The following ATPAF1 variants were observed in gnomAD, a reference collection of about 807,000 sequenced individuals.
ATPAF1 encodes the protein ATP synthase mitochondrial F1 complex assembly factor 1, also known as homolog of yeast ATP11.
ATPAF1 carries 26 observed loss-of-function variants against 43.9 expected under a neutral mutation model. That is an observed-to-expected ratio of 0.59 (90% confidence interval 0.43 to 0.82). The LOEUF is 0.82. Among genes scored for constraint, ATPAF1 ranks in the 40% least tolerant of loss-of-function variants. The probability of loss-of-function intolerance (pLI) is 0.00; values close to 1 mark genes in which losing one functional copy is unlikely to be tolerated. For missense variants in ATPAF1, 366 were observed against 435.0 expected, an observed-to-expected ratio of 0.84 and a Z score of 1.41; for synonymous variants, 157 against 168.0, an observed-to-expected ratio of 0.93 and a Z score of 0.50.
intron 3 of ATPAF1, 31 bp downstream of exon 3, chr1:46,658,656 C>CA: frequency 6.4e-7 from 1 of 1,555,970 alleles, no homozygotes; most frequent in Non-Finnish European, 8.7e-7. Flanking sequence ...TGACTTCAAG[C>CA]TTTTTTTCCT....
intron 6 of ATPAF1, among the ~76,000 whole-genome samples, chr1:46,649,816 C>T (rs980479293): frequency 1.3e-5 from 2 of 151,946 alleles, no homozygotes; most frequent in African/African-American, 4.8e-5. Flanking sequence ...ATCCCAGCTA[C>T]TTAGAAGGCT....
At chr1:46,665,033 GAGC>G in intron 2 of ATPAF1, 2 of 516,280 alleles carry the variant, frequency 3.9e-6, no homozygotes, top group Non-Finnish European at 6.9e-6. Context: ...CTCCTCTTGG[GAGC>G]AGGAAGTACC....
At chr1:46,634,752 C>T (rs2148811949), downstream of ATPAF1, 1 of 152,642 alleles carries the variant, frequency 6.6e-6, no homozygotes. Context: ...AGTGACACTA[C>T]AAACGAAAGA....
At chr1:46,646,508 G>A (rs187876216) in intron 6 of ATPAF1, among the ~76,000 whole-genome samples, 24 of 152,332 alleles carry the variant, frequency 1.6e-4, no homozygotes, top group Admixed American at 8.5e-4. Context: ...GAATGGGGAT[G>A]AGTAGTAGAG....
Position 46,668,248 on chromosome 1 carries a change from G to T in ATPAF1, c.75C>A (p.Gly25=). The stretch of plus-strand genomic sequence containing the variant: ...GGGCGCGGCTGCGCACCGCGCACAG[G>T]CCCCGGTAGAGACCGGCCACCTGCA... The change falls in exon 1 of 9, where the codon GGC becomes GGA. Residue 25 remains glycine, a synonymous_variant. Transcript: ENST00000574428. This position sits in a 1 kb window ranked among gnomAD's most constrained non-coding sequence, Gnocchi z 4.4. 1 of 1,377,902 alleles carries T rather than the reference G, an allele frequency of 7.3e-7. No homozygotes were observed. Among genetic ancestry groups the T allele is most frequent in the Admixed American group, 2.8e-5 (1 of 35,464 alleles). The allele number at this position is 1,377,902 out of a possible 1,614,324, so 85.4% of individuals were successfully genotyped here. A position where few individuals can be genotyped will look rare whatever the true frequency, so the allele number is the denominator to read the frequency against.
chr1:46,644,749 C>T (rs1316757038), intron 7 of ATPAF1, among the ~76,000 whole-genome samples: 1 of 120,954 alleles, frequency 8.3e-6, no homozygotes, highest in Non-Finnish European at 1.8e-5. Context: ...TAACATTAAA[C>T]AGAAACTATT....
chr1:46,647,503 TACAC>T (rs56095996), intron 6 of ATPAF1, among the ~76,000 whole-genome samples: 37 of 150,596 alleles, frequency 2.5e-4, no homozygotes, highest in African/African-American at 3.9e-4. Flanking sequence ...TATACACACA[TACAC>T]ACACACACAC....
At position 46,668,278 on chromosome 1, in the gene ATPAF1, C is replaced by G; in HGVS notation, c.45G>C (p.Ala15=). The change falls in exon 1 of 9, where the codon GCG becomes GCC. Residue 15 remains alanine (A), a synonymous_variant. Coordinates refer to ENST00000574428, the Ensembl canonical transcript of ATPAF1. This position sits in a 1 kb window ranked among gnomAD's most constrained non-coding sequence, Gnocchi z 4.4. ...GGTAGAGACCGGCCACCTGCAGGAC[C>G]GCCGGTCCCGCGCCACCCGCAGCCG... The G allele has an allele frequency of 7.2e-7, 1 of 1,383,768 alleles. No individual in the cohort carries two copies. The highest frequency in any genetic ancestry group is 9.4e-7 in the Non-Finnish European group (1 of 1,064,234). The allele number at this position is 1,383,768 out of a possible 1,614,324, so 85.7% of individuals were successfully genotyped here.
chr1:46,661,897 C>CTT (rs931528859), intron 2 of ATPAF1, among the ~76,000 whole-genome samples: 4 of 147,592 alleles, frequency 2.7e-5, no homozygotes, highest in East Asian at 2.1e-4. Flanking sequence ...AAATTTCTTT[C>CTT]TTTTTTTTTT....
At chr1:46,656,233 G>C (rs1676271272) in intron 4 of ATPAF1, among the ~76,000 whole-genome samples, 1 of 152,172 alleles carries the variant, frequency 6.6e-6, no homozygotes, top group South Asian at 2.1e-4. Flanking sequence ...TTGAAGCAGA[G>C]AATGACAACA....
intron 8 of ATPAF1, among the ~76,000 whole-genome samples, chr1:46,636,352 T>G (rs1390174998): frequency 6.6e-6 from 1 of 152,194 alleles, no homozygotes; most frequent in Non-Finnish European, 1.5e-5. Flanking sequence ...CTAATAACTG[T>G]TAAATATATT....
chr1:46,633,816 T>C (rs1415866274), downstream of ATPAF1: 2 of 456,102 alleles, frequency 4.4e-6, no homozygotes, highest in African/African-American at 4.0e-5. Flanking sequence ...GTATGGCTAA[T>C]AACTGGGCCC....
chr1:46,648,586 A>AT (rs142364092), intron 6 of ATPAF1, among the ~76,000 whole-genome samples: 1 of 151,934 alleles, frequency 6.6e-6, no homozygotes, highest in Non-Finnish European at 1.5e-5. Context: ...GCCCAAGGTG[A>AT]TTTTTTTCTT....
At chr1:46,665,797 T>G in intron 1 of ATPAF1, 1 of 1,467,532 alleles carries the variant, frequency 6.8e-7, no homozygotes. Flanking sequence ...ATCTGCTTTA[T>G]TCAGATCCTG....
At chr1:46,656,085 T>A (rs1676266762) in intron 4 of ATPAF1, among the ~76,000 whole-genome samples, 1 of 152,220 alleles carries the variant, frequency 6.6e-6, no homozygotes, top group Non-Finnish European at 1.5e-5. Flanking sequence ...AAAGAGGCAC[T>A]TAACCCAGGG....
chr1:46,662,724 G>A (rs1468266567), intron 2 of ATPAF1, among the ~76,000 whole-genome samples: 1 of 152,152 alleles, frequency 6.6e-6, no homozygotes, highest in African/African-American at 2.4e-5. Context: ...ACTGCGCCTG[G>A]CAACCCATTT....
intron 7 of ATPAF1, among the ~76,000 whole-genome samples, chr1:46,644,355 T>C (rs763385752): frequency 3.3e-5 from 5 of 152,186 alleles, no homozygotes; most frequent in African/African-American, 7.2e-5. Context: ...TTAGAAATAA[T>C]AACAGTAAAT....
Position 46,635,531 on chromosome 1 carries a change from T to C in ATPAF1, c.*245A>G, listed in dbSNP as rs553074616. On this transcript the variant is annotated 3_prime_UTR_variant, in exon 9 of 9. Coordinates refer to ENST00000574428, the Ensembl canonical transcript of ATPAF1. ...GTAGGTCCTTGGCTGTCTCTTGTTATAACCTCGAACACTTAAAAAAGGAAA... is the reference window on the plus strand; with the variant it reads ...GTAGGTCCTTGGCTGTCTCTTGTTACAACCTCGAACACTTAAAAAAGGAAA... 4 of 487,420 alleles carry C rather than the reference T, an allele frequency of 8.2e-6. No individual in the cohort carries two copies. In the East Asian group the frequency reaches 9.6e-5, roughly 12 times the overall value. 30.2% of individuals were successfully genotyped at this position (487,420 alleles called of 1,614,324 possible).
intron 2 of ATPAF1, among the ~76,000 whole-genome samples, chr1:46,662,253 A>G (rs1268530124): frequency 1.3e-5 from 2 of 152,124 alleles, no homozygotes; most frequent in Admixed American, 6.5e-5. Flanking sequence ...TTCCTATCTA[A>G]TATTTAAAGT....
Sources: allele counts gnomAD v4.1 joint callset (sites outside exome capture counted in the v4.1 genomes callset), GRCh38; gene constraint gnomAD v4.1.1; non-coding constraint Gnocchi (gnomAD v3.1); transcripts MANE v1.5; gene names NCBI Gene and HGNC (gene_info 2026-07-23, HGNC 2026-07-21).